IFT43: variants seen among roughly 807,000 people sequenced by gnomAD.
IFT43 encodes intraflagellar transport 43.
In IFT43, 33 loss-of-function variants were observed where a neutral mutation model predicts 32.3. The ratio of observed to expected loss-of-function variants is 1.02; its 90% CI spans 0.77 to 1.37. The LOEUF is 1.37. Ranked by LOEUF, IFT43 falls within the 40% of genes most tolerant of loss-of-function variation. IFT43 has a pLI of 0.00. For missense variants in IFT43, 274 were observed against 265.9 expected, an observed-to-expected ratio of 1.03 and a Z score of -0.21; for synonymous variants, 93 against 98.2, an observed-to-expected ratio of 0.95 and a Z score of 0.31.
At chr14:76,059,276 C>A in intron 4 of IFT43, 51 bp from the exon 5 acceptor site, 1 of 1,613,526 alleles carries the variant, frequency 6.2e-7, no homozygotes, top group Non-Finnish European at 8.5e-7. Flanking sequence ...ATGTTCCTTT[C>A]CGTGTTTGAA....
At chr14:76,023,871 A>T (rs928466412) in intron 3 of IFT43, among the ~76,000 whole-genome samples, 1 of 152,236 alleles carries the variant, frequency 6.6e-6, no homozygotes, top group Non-Finnish European at 1.5e-5. Flanking sequence ...AAGCTGTAGT[A>T]TCAGAAGTAT....
At chr14:76,060,826 CTT>C (rs1491316896) in intron 5 of IFT43, among the ~76,000 whole-genome samples, 1,226 of 89,258 alleles carry the variant, frequency 0.014, 22 homozygotes, top group African/African-American at 0.039. Context: ...CCCTCCCTCC[CTT>C]TCTTCCTTCC....
chr14:76,003,627 G>A (rs1171205590), intron 2 of IFT43, among the ~76,000 whole-genome samples: 3 of 148,138 alleles, frequency 2.0e-5, no homozygotes, highest in African/African-American at 7.5e-5. Flanking sequence ...GCGAGACTCC[G>A]TTTCAAAAAA....
In IFT43 at chr14:75,988,963, ACT is replaced by A. The variant is rs2035585345; in HGVS notation, c.136_137del (p.Leu46AspfsTer8). The A allele has an allele frequency of 2.5e-6, 4 of 1,613,580 alleles. No individual in the cohort carries two copies. The highest frequency in any genetic ancestry group is 1.3e-5 in the African/African-American group (1 of 74,854). On this transcript the variant is annotated frameshift_variant, in exon 2 of 9. Transcript: ENST00000314067. LOFTEE classifies it high-confidence loss of function. ...NHLNGKNSSLTLTGETSSAKL... is the reference protein window; with the variant it reads ...NHLNGKNSSLXLTGETSSAKL... ...CCTCAATGGCAAGAATTCCTCTTTG[ACT>A]CTGACTGGAGAGGTGGGTGCTAAAA...
chr14:76,040,230 G>A (rs1258485120), intron 3 of IFT43, among the ~76,000 whole-genome samples: 2 of 152,176 alleles, frequency 1.3e-5, no homozygotes, highest in Non-Finnish European at 2.9e-5. Context: ...GATTACAGGT[G>A]TGAGTCACTG....
intron 3 of IFT43, chr14:76,038,170 A>G (rs551576179): frequency 6.6e-5 from 10 of 152,244 alleles, no homozygotes; most frequent in Non-Finnish European, 1.5e-4. Flanking sequence ...TGAGTGTCCA[A>G]TATTGGGTAA....
intron 3 of IFT43, among the ~76,000 whole-genome samples, chr14:76,032,900 C>T (rs554310793): frequency 6.6e-6 from 1 of 152,268 alleles, no homozygotes; most frequent in African/African-American, 2.4e-5. Context: ...AAGGTCACTG[C>T]AAGGAGCCCC....
chr14:76,048,396 A>G (rs2036849332), intron 3 of IFT43, among the ~76,000 whole-genome samples: 1 of 152,252 alleles, frequency 6.6e-6, no homozygotes, highest in African/African-American at 2.4e-5. Context: ...GAAAGCCAGG[A>G]GGGAATGATT....
chr14:75,988,936 C>G lies in IFT43; in HGVS notation c.106C>G (p.His36Asp), dbSNP rs762826933. 1.2e-6 allele frequency: 2 copies of G among 1,614,010 alleles called. No homozygotes were observed. Among genetic ancestry groups the G allele is most frequent in the Middle Eastern group, 3.3e-4 (2 of 6,060 alleles). ...ACAGGAGTCAGCGCAGGCCGAGAAT[C>G]ACCTCAATGGCAAGAATTCCTCTTT... The part of the protein sequence containing the change: ...AQQESAQAEN[H>D]LNGKNSSLTL... Residue 36 changes from histidine to aspartate, a missense_variant, in exon 2 of 9, where the codon CAC becomes GAC. His to Asp is a moderately conservative substitution (Grantham distance 81). Coordinates refer to ENST00000314067, the MANE Select transcript of IFT43 (RefSeq NM_001102564.3).
intron 5 of IFT43, among the ~76,000 whole-genome samples, chr14:76,065,888 G>A (rs570691472): frequency 2.6e-5 from 4 of 152,298 alleles, no homozygotes; most frequent in South Asian, 2.1e-4. Context: ...CCGAAGTGCC[G>A]GACTACAGGC....
At chr14:76,045,858 T>A (rs539500566) in intron 3 of IFT43, among the ~76,000 whole-genome samples, 5 of 152,326 alleles carry the variant, frequency 3.3e-5, no homozygotes, top group Admixed American at 1.3e-4. Flanking sequence ...AGATTTTTAG[T>A]TGGGCTCATT....
At chr14:76,059,557 C>T in intron 5 of IFT43, 184 bp downstream of exon 5, 1 of 637,894 alleles carries the variant, frequency 1.6e-6, no homozygotes, top group Non-Finnish European at 2.8e-6. Flanking sequence ...AGTATCTCTC[C>T]CTTCTTTATC....
At chr14:76,032,212 G>A (rs1023611131) in intron 3 of IFT43, among the ~76,000 whole-genome samples, 1 of 152,124 alleles carries the variant, frequency 6.6e-6, no homozygotes, top group African/African-American at 2.4e-5. Context: ...AACCCTGTTA[G>A]GTCTACTGTT....
intron 2 of IFT43, among the ~76,000 whole-genome samples, chr14:75,999,279 ATATTTTTTTTTT>A (rs2035836500): frequency 8.7e-4 from 18 of 20,676 alleles, no homozygotes; most frequent in African/African-American, 2.6e-3. Flanking sequence ...ATATGTATAT[ATATTTTTTTTTT>A]TTTTTTTTTA....
chr14:76,029,639 T>C (rs550760660), intron 3 of IFT43, among the ~76,000 whole-genome samples: 2 of 152,162 alleles, frequency 1.3e-5, no homozygotes, highest in South Asian at 2.1e-4. Flanking sequence ...ATTTTTCTTA[T>C]ATAGTGATAG....
chr14:76,027,969 C>G (rs750569205), intron 3 of IFT43, among the ~76,000 whole-genome samples: 19 of 152,052 alleles, frequency 1.2e-4, no homozygotes, highest in Non-Finnish European at 2.4e-4. Context: ...AAGACATTGA[C>G]TATTTTGAGG....
chr14:76,038,011 T>G (rs1411225365), intron 3 of IFT43: 1 of 152,214 alleles, frequency 6.6e-6, no homozygotes, highest in Non-Finnish European at 1.5e-5. Flanking sequence ...TTTTGCTCAT[T>G]TGGTTTTCAA....
At chr14:76,058,744 T>C in intron 4 of IFT43, 70 bp downstream of exon 4, 1 of 1,607,276 alleles carries the variant, frequency 6.2e-7, no homozygotes, top group South Asian at 1.1e-5. Flanking sequence ...GTCTTGGTGG[T>C]CATGATCTGT....
At chr14:76,064,249 T>C (rs1176271727) in intron 5 of IFT43, among the ~76,000 whole-genome samples, 1 of 152,232 alleles carries the variant, frequency 6.6e-6, no homozygotes, top group Non-Finnish European at 1.5e-5. Context: ...CTTGCATTTC[T>C]GTTCTCAGAG....
Sources: gnomAD v4.1 joint callset for allele counts (sites outside exome capture counted in the v4.1 genomes callset) on GRCh38, gnomAD v4.1.1 for gene constraint, MANE v1.5 for transcripts, NCBI Gene and HGNC (gene_info 2026-07-23, HGNC 2026-07-21) for gene names.